CHN2: variants seen among roughly 807,000 people sequenced by gnomAD.
CHN2 encodes the protein beta-chimaerin.
A neutral mutation model predicts 56.3 loss-of-function variants in CHN2; 35 were observed. The ratio of observed to expected loss-of-function variants is 0.62; its 90% CI spans 0.47 to 0.82. The LOEUF (loss-of-function observed/expected upper bound fraction) is 0.82. Ranked by LOEUF, CHN2 falls within the 40% of genes least tolerant of loss-of-function variation. CHN2 has a pLI of 0.00. For missense variants in CHN2, 491 were observed against 580.5 expected (o/e 0.85, Z 1.58); for synonymous variants, 210 against 212.8 (o/e 0.99, Z 0.12).
At chr7:29,252,665 G>A (rs1788724027) in intron 1 of CHN2, among the ~76,000 whole-genome samples, 1 of 103,338 alleles carries the variant, frequency 9.7e-6, no homozygotes, top group South Asian at 3.2e-4. Context: ...GCGCAATCTC[G>A]GCTCACTGCA....
chr7:29,381,693 T>C (rs1800517043), intron 3 of CHN2, among the ~76,000 whole-genome samples: 1 of 151,302 alleles, frequency 6.6e-6, no homozygotes, highest in Admixed American at 6.6e-5. Flanking sequence ...GAATCACCTG[T>C]GGAGCCTGGC....
At chr7:29,489,856 C>G (rs936972752) in intron 7 of CHN2, among the ~76,000 whole-genome samples, 1 of 152,076 alleles carries the variant, frequency 6.6e-6, no homozygotes, top group Non-Finnish European at 1.5e-5. Context: ...TCCTGATGTG[C>G]TCAATTATTT....
At chr7:29,270,482 C>A (rs1790529228) in intron 1 of CHN2, among the ~76,000 whole-genome samples, 1 of 136,132 alleles carries the variant, frequency 7.3e-6, no homozygotes, top group South Asian at 2.5e-4. Context: ...TGGTGAAACC[C>A]CATCTCTACT....
At chr7:29,195,645 TGTGTGA>T (rs775450095) in intron 1 of CHN2, among the ~76,000 whole-genome samples, 11 of 129,116 alleles carry the variant, frequency 8.5e-5, no homozygotes, top group East Asian at 5.3e-4. Flanking sequence ...TGTGTGTGTG[TGTGTGA>T]GAGAGAGAGA....
At chr7:29,329,579 AAT>A (rs1385107783) in intron 1 of CHN2, among the ~76,000 whole-genome samples, 1 of 152,158 alleles carries the variant, frequency 6.6e-6, no homozygotes, top group Non-Finnish European at 1.5e-5. Context: ...GTGAGGAAAG[AAT>A]ATAATTTCAC....
chr7:29,266,247 T>G (rs147565928), intron 1 of CHN2, among the ~76,000 whole-genome samples: 42 of 152,320 alleles, frequency 2.8e-4, no homozygotes, highest in South Asian at 1.0e-3. Context: ...TATAAAGTCT[T>G]GATAAATACT....
intron 3 of CHN2, among the ~76,000 whole-genome samples, chr7:29,371,430 G>A (rs959341741): frequency 3.9e-5 from 6 of 152,190 alleles, no homozygotes; most frequent in African/African-American, 7.2e-5. Context: ...AGCACCTGAT[G>A]CTCTGCTGGC....
intron 2 of CHN2, among the ~76,000 whole-genome samples, chr7:29,358,269 G>A (rs1798461649): frequency 6.6e-6 from 1 of 152,048 alleles, no homozygotes; most frequent in South Asian, 2.1e-4. Flanking sequence ...ATGGTGGCAT[G>A]CCTTGTAGTC....
intron 6 of CHN2, among the ~76,000 whole-genome samples, chr7:29,402,060 A>G (rs1209633455): frequency 6.6e-6 from 1 of 152,160 alleles, no homozygotes; most frequent in Non-Finnish European, 1.5e-5. Flanking sequence ...CACTAATCCT[A>G]GTTAAACCGG....
intron 4 of CHN2, among the ~76,000 whole-genome samples, chr7:29,395,599 T>C (rs1049939723): frequency 2.0e-5 from 3 of 152,332 alleles, no homozygotes; most frequent in Middle Eastern, 3.4e-3. Flanking sequence ...AGTTCTACCA[T>C]GAAAGAGAAT....
chr7:29,240,803 C>A (rs1349878201), intron 1 of CHN2, among the ~76,000 whole-genome samples: 2 of 120,526 alleles, frequency 1.7e-5, no homozygotes, highest in African/African-American at 5.7e-5. Context: ...TCTTCCTCTT[C>A]TTCTTCTTCT....
chr7:29,494,775 TAGA>T (rs1476127068), intron 7 of CHN2, among the ~76,000 whole-genome samples: 1 of 152,016 alleles, frequency 6.6e-6, no homozygotes, highest in Non-Finnish European at 1.5e-5. Context: ...TTGGTTTCCT[TAGA>T]AGAGATCCAG....
At chr7:29,391,882 G>C (rs1801397192) in intron 3 of CHN2, among the ~76,000 whole-genome samples, 1 of 152,190 alleles carries the variant, frequency 6.6e-6, no homozygotes, top group Non-Finnish European at 1.5e-5. Flanking sequence ...GTCTTGTTAA[G>C]AATCAATTAA....
rs536037195 is a variant in CHN2 at position 29,332,668 on chromosome 7, G to A, written c.50-21957G>A. The stretch of plus-strand genomic sequence containing the variant: ...TTTTATGTTATTCACATCCCATCAT[G>A]TCTACAAAATGTCCATCTGTGTAAA... On this transcript the variant is annotated intron_variant, in intron 1 of 12. Coordinates refer to ENST00000222792, the MANE Select transcript of CHN2 (RefSeq NM_004067.4). 4.6e-5 allele frequency among the ~76,000 whole-genome samples: 7 copies of A among 152,236 alleles called. No individual in the cohort carries two copies. In the South Asian group the frequency reaches 8.3e-4, roughly 18 times the overall value.
intron 1 of CHN2, among the ~76,000 whole-genome samples, chr7:29,204,067 CTG>C (rs55930139): frequency 0.05 from 6,395 of 128,640 alleles, 200 homozygotes; most frequent in South Asian, 0.11. Context: ...TTCTCTCTCT[CTG>C]TGTGTGTGTG....
chr7:29,383,083 G>A (rs908383640), intron 3 of CHN2, among the ~76,000 whole-genome samples: 4 of 152,180 alleles, frequency 2.6e-5, no homozygotes, highest in South Asian at 4.1e-4. Flanking sequence ...CTTGGGAAGG[G>A]CCAGGACTGT....
intron 1 of CHN2, among the ~76,000 whole-genome samples, chr7:29,201,836 T>C (rs1444191188): frequency 1.3e-5 from 2 of 152,214 alleles, no homozygotes; most frequent in African/African-American, 4.8e-5. Flanking sequence ...AGCGCTCCCA[T>C]TGCTGTGTGT....
intron 1 of CHN2, among the ~76,000 whole-genome samples, chr7:29,217,635 A>G (rs1785444750): frequency 1.3e-5 from 2 of 152,342 alleles, no homozygotes; most frequent in South Asian, 4.1e-4. Flanking sequence ...GATATAGGTT[A>G]TAGAATGTCT....
In CHN2 at chr7:29,473,480, T is replaced by TGTGTG. The variant is rs1221993716; in HGVS notation, c.577-6799_577-6798insGTGTG. On this transcript the variant is annotated intron_variant, in intron 6 of 12. Coordinates refer to ENST00000222792, the MANE Select transcript of CHN2 (RefSeq NM_004067.4). ...TGTGTGTGTGTTTGTGTTTTTTTTT[T>TGTGTG]TTTGTGTGTGTGTGTGTGTGTGTGT... 2.4e-3 allele frequency among the ~76,000 whole-genome samples: 312 copies of TGTGTG among 130,998 alleles called. 1 individual carries two copies. The highest frequency in any genetic ancestry group is 7.5e-3 in the Middle Eastern group (2 of 266). 85.9% of individuals were successfully genotyped at this position (130,998 alleles called of 152,430 possible).
Sources: allele counts gnomAD v4.1 joint callset (sites outside exome capture counted in the v4.1 genomes callset), GRCh38; gene constraint gnomAD v4.1.1; transcripts MANE v1.5; gene names NCBI Gene and HGNC (gene_info 2026-07-23, HGNC 2026-07-21).